GREB1L: variants seen among roughly 807,000 people sequenced by gnomAD.
GREB1L encodes GREB1-like protein.
GREB1L carries 17 observed loss-of-function variants against 200.8 expected under a neutral mutation model. The ratio of observed to expected loss-of-function variants is 0.08; its 90% CI spans 0.06 to 0.13. The LOEUF is 0.13. Among genes scored for constraint, GREB1L ranks in the 10% least tolerant of loss-of-function variants. The pLI is 1.00. For missense variants in GREB1L, 1,657 were observed against 2,367.7 expected (o/e 0.70, Z 6.23); for synonymous variants, 789 against 893.0 (o/e 0.88, Z 2.08).
At chr18:21,429,077 T>C (rs1252848015) in intron 7 of GREB1L, among the ~76,000 whole-genome samples, 3 of 151,896 alleles carry the variant, frequency 2.0e-5, no homozygotes, top group Non-Finnish European at 2.9e-5. Context: ...AGCATTGTTA[T>C]GTACACATTC....
At chr18:21,513,787 G>A (rs757833762) in intron 27 of GREB1L, 34 bp from the exon 28 acceptor site, 19 of 1,542,686 alleles carry the variant, frequency 1.2e-5, no homozygotes, top group Non-Finnish European at 1.7e-5. Flanking sequence ...TGAAGGATGT[G>A]TGGATATGCA....
intron 23 of GREB1L, among the ~76,000 whole-genome samples, chr18:21,503,400 T>A (rs1461772702): frequency 1.3e-5 from 2 of 151,376 alleles, no homozygotes; most frequent in East Asian, 3.9e-4. Context: ...AGAGGTGAGG[T>A]TTCACCATCT....
At chr18:21,370,699 T>C (rs556229546) in intron 2 of GREB1L, among the ~76,000 whole-genome samples, 1 of 152,330 alleles carries the variant, frequency 6.6e-6, no homozygotes, top group Admixed American at 6.5e-5. Flanking sequence ...CTCTTAGAAC[T>C]TAAGAAATCT....
chr18:21,465,281 T>A lies in GREB1L; in HGVS notation c.2183-7750T>A, dbSNP rs1888217758. The stretch of plus-strand genomic sequence containing the variant: ...CCAAAACCCATGCTTAATTCTTAAT[T>A]GGATACTTGAGTAAAATATAAAAAG... On this transcript the variant is annotated intron_variant, in intron 15 of 32. Transcript: ENST00000424526. 2.0e-5 allele frequency among the ~76,000 whole-genome samples: 3 copies of A among 152,260 alleles called. No individual in the cohort carries two copies. In the South Asian group the frequency reaches 6.2e-4, roughly 32 times the overall value.
chr18:21,325,317 C>T (rs2039006157), intron 1 of GREB1L, among the ~76,000 whole-genome samples: 1 of 152,144 alleles, frequency 6.6e-6, no homozygotes, highest in Non-Finnish European at 1.5e-5. Flanking sequence ...GCATTATCTA[C>T]AATTCTTCTC....
intron 1 of GREB1L, among the ~76,000 whole-genome samples, chr18:21,297,357 C>A (rs1309098939): frequency 6.6e-6 from 1 of 152,088 alleles, no homozygotes; most frequent in Non-Finnish European, 1.5e-5. Context: ...TACTTCTTGT[C>A]GGCAAGAAGT....
rs566191423 is a variant in GREB1L at position 21,380,595 on chromosome 18, G to C, written c.-9-2915G>C. The C allele has an allele frequency of 2.0e-5, 3 of 152,292 alleles. No homozygotes were observed. The South Asian group carries it at 6.2e-4, about 32-fold the overall frequency. 9.4% of individuals were successfully genotyped at this position (152,292 alleles called of 1,614,324 possible). ...TCACATGACTAGATACTGAGTCCTG[G>C]CTCTATCCCTTAATAGTTGAATGGT... is the stretch of plus-strand genomic sequence containing the variant. On this transcript the variant is annotated intron_variant, in intron 2 of 32. Coordinates refer to ENST00000424526, the MANE Select transcript of GREB1L (RefSeq NM_001142966.3).
chr18:21,268,558 CACATATATAT>C (rs1362881885), intron 1 of GREB1L, among the ~76,000 whole-genome samples: 65 of 86,668 alleles, frequency 7.5e-4, no homozygotes, highest in African/African-American at 4.0e-3. Context: ...CACACACACA[CACATATATAT>C]ATATATATAT....
At chr18:21,275,312 T>C (rs2038144204) in intron 1 of GREB1L, among the ~76,000 whole-genome samples, 1 of 152,128 alleles carries the variant, frequency 6.6e-6, no homozygotes, top group South Asian at 2.1e-4. Context: ...GAGAGAAATG[T>C]AGGAAATAGG....
chr18:21,461,450 A>G (rs1598879992), intron 15 of GREB1L, among the ~76,000 whole-genome samples: 2 of 151,506 alleles, frequency 1.3e-5, no homozygotes, highest in South Asian at 4.2e-4. Context: ...GTCCATCCTC[A>G]CCTCTGTCTC....
intron 1 of GREB1L, among the ~76,000 whole-genome samples, chr18:21,315,671 A>G (rs2144848521): frequency 6.6e-6 from 1 of 152,212 alleles, no homozygotes; most frequent in Non-Finnish European, 1.5e-5. Context: ...AGGCCTACTA[A>G]TATATGTCTA....
chr18:21,497,815 C>CG (rs2036608396), intron 21 of GREB1L, among the ~76,000 whole-genome samples: 4 of 123,702 alleles, frequency 3.2e-5, no homozygotes, highest in Non-Finnish European at 7.1e-5. Flanking sequence ...CTCACCACCC[C>CG]CCCCCCTTTT....
chr18:21,307,875 G>A (rs2038727786), intron 1 of GREB1L, among the ~76,000 whole-genome samples: 1 of 151,754 alleles, frequency 6.6e-6, no homozygotes, highest in Non-Finnish European at 1.5e-5. Flanking sequence ...TTCTCCTTTG[G>A]GGTTCCTGTA....
At position 21,452,107 on chromosome 18, in the gene GREB1L, A is replaced by G; in HGVS notation, c.1874A>G (p.Glu625Gly). The G allele has an allele frequency of 6.4e-7, 1 of 1,551,826 alleles. No individual in the cohort carries two copies. Among genetic ancestry groups the G allele is most frequent in the Non-Finnish European group, 8.7e-7 (1 of 1,146,744 alleles). Residue 625 changes from glutamate to glycine, a missense_variant, in exon 14 of 33, where the codon GAA becomes GGA. By Grantham distance (98) the Glu-to-Gly change is moderately conservative. Around this residue, in one of 9 missense-constraint regions of GREB1L, gnomAD observed 239 missense variants for 421.8 expected, o/e 0.57. Coordinates refer to ENST00000424526, the MANE Select transcript of GREB1L (RefSeq NM_001142966.3). Reference protein sequence around the residue: ...SLGDDLDKLLEKMQQRRGDSV... With the variant: ...SLGDDLDKLLGKMQQRRGDSV... ...GGCGATGACCTAGACAAGCTGCTGG[A>G]AAAAATGCAACAAAGAAGAGGAGAC...
chr18:21,334,948 T>C (rs1204229953), intron 1 of GREB1L, among the ~76,000 whole-genome samples: 1 of 152,226 alleles, frequency 6.6e-6, no homozygotes, highest in Non-Finnish European at 1.5e-5. Flanking sequence ...AAAATGTTTC[T>C]CTCTTTGTCT....
intron 7 of GREB1L, among the ~76,000 whole-genome samples, chr18:21,405,214 G>A (rs1280007367): frequency 6.6e-6 from 1 of 152,196 alleles, no homozygotes; most frequent in Non-Finnish European, 1.5e-5. Context: ...AGAACATGGT[G>A]TCACTAGGTA....
At chr18:21,315,886 G>A (rs1247009688) in intron 1 of GREB1L, among the ~76,000 whole-genome samples, 1 of 152,136 alleles carries the variant, frequency 6.6e-6, no homozygotes, top group Non-Finnish European at 1.5e-5. Context: ...CAGCCCCGCA[G>A]CAAGAGGAGC....
intron 1 of GREB1L, among the ~76,000 whole-genome samples, chr18:21,299,787 T>G (rs1286758975): frequency 2.0e-5 from 3 of 152,208 alleles, no homozygotes; most frequent in African/African-American, 7.2e-5. Flanking sequence ...ATTTGCCAAA[T>G]TCAAAAGGCA....
At chr18:21,448,386 A>G (rs2034346464) in intron 11 of GREB1L, among the ~76,000 whole-genome samples, 1 of 152,148 alleles carries the variant, frequency 6.6e-6, no homozygotes. Flanking sequence ...CCATATCTGA[A>G]GAGCATTACT....
Sources: gnomAD v4.1 joint callset for allele counts (sites outside exome capture counted in the v4.1 genomes callset) on GRCh38, gnomAD v4.1.1 for gene constraint, gnomAD v4.1.1 regional missense constraint, MANE v1.5 for transcripts, NCBI Gene and HGNC (gene_info 2026-07-23, HGNC 2026-07-21) for gene names.